SVIL: variants seen among roughly 807,000 people sequenced by gnomAD.
The protein encoded by SVIL is supervillin, also known as archvillin.
In SVIL, 101 loss-of-function variants were observed where a neutral mutation model predicts 240.4. The observed-to-expected ratio is 0.42, with a 90% CI of 0.36 to 0.50. The LOEUF (loss-of-function observed/expected upper bound fraction) is 0.50. Ranked by LOEUF, SVIL falls within the 20% of genes least tolerant of loss-of-function variation. The pLI, the probability that SVIL is intolerant of heterozygous loss-of-function variation, is 0.01. For missense variants in SVIL, 2,512 were observed against 2,818.7 expected (o/e 0.89, Z 2.46); for synonymous variants, 999 against 1,100.0 (o/e 0.91, Z 1.82).
At chr10:29,637,525 T>C (rs1411123602), upstream of SVIL, among the ~76,000 whole-genome samples, 1 of 152,006 alleles carries the variant, frequency 6.6e-6, no homozygotes, top group Non-Finnish European at 1.5e-5. Flanking sequence ...AATGAATCTA[T>C]CCCATATTAA....
chr10:29,532,023 G>A lies in SVIL; in HGVS notation c.1988C>T (p.Ala663Val), dbSNP rs778087955. 2 of 1,614,172 alleles carry A rather than the reference G, an allele frequency of 1.2e-6. No individual in the cohort carries two copies. Among genetic ancestry groups the A allele is most frequent in the African/African-American group, 1.3e-5 (1 of 75,042 alleles). The change falls in exon 9 of 38, where the codon GCA becomes GTA. Residue 663 changes from alanine to valine, a missense_variant. By Grantham distance (64) the Ala-to-Val change is moderately conservative. This residue lies in a region of SVIL where 1,443 missense variants were observed against 1,486.6 expected (regional missense o/e 0.97). Coordinates refer to ENST00000355867, the MANE Select transcript of SVIL (RefSeq NM_021738.3). The stretch of plus-strand genomic sequence containing the variant: ...CTACCTATCCGATTCCTTTCGTTCT[G>A]CTGAAGTTATAGGTTGGGTTCTAAA... ...ERFRTQPITS[A>V]ERKESDRCTS...
Position 29,605,699 on chromosome 10 carries a change from T to TA in SVIL, c.-201+28720dup, listed in dbSNP as rs1437212701. Among the ~76,000 whole-genome samples the TA allele has an allele frequency of 3.0e-5, 4 of 132,390 alleles. No homozygotes were observed. The East Asian group carries it at 6.0e-4, about 20-fold the overall frequency. 86.9% of individuals were successfully genotyped at this position (132,390 alleles called of 152,430 possible). A position where few individuals can be genotyped will look rare whatever the true frequency, so the allele number is the denominator to read the frequency against. On this transcript the variant is annotated intron_variant, in intron 1 of 37. Transcript: ENST00000355867. ...TTTCCCCTTAGTGGAAAAGTGGCTT[T>TA]AAAAAATATATATTCAAATATATAT... is the stretch of plus-strand genomic sequence containing the variant.
intron 34 of SVIL, 119 bp from the exon 35 acceptor site, chr10:29,463,754 C>A (rs571624862): frequency 2.1e-6 from 3 of 1,412,570 alleles, no homozygotes; most frequent in South Asian, 1.4e-5. Flanking sequence ...AGGGGGAAAC[C>A]CCCTTGGCCA....
intron 1 of SVIL, among the ~76,000 whole-genome samples, chr10:29,715,046 T>A (rs1391044636): frequency 6.7e-6 from 1 of 150,364 alleles, no homozygotes; most frequent in Non-Finnish European, 1.5e-5. Flanking sequence ...TAAACACCCC[T>A]AATATTTTGT....
At chr10:29,666,631 T>C (rs1057284580) in intron 2 of SVIL, among the ~76,000 whole-genome samples, 7 of 152,188 alleles carry the variant, frequency 4.6e-5, no homozygotes, top group African/African-American at 1.7e-4. Context: ...GAAACAGATG[T>C]GCACTTAGCA....
At chr10:29,563,336 GAT>G in intron 2 of SVIL, 44 bp from the exon 3 acceptor site, 1 of 900,160 alleles carries the variant, frequency 1.1e-6, no homozygotes, top group South Asian at 5.1e-5. Flanking sequence ...TTTAAATAAA[GAT>G]ATATAAGTGA....
intron 11 of SVIL, 103 bp from the exon 12 acceptor site, chr10:29,529,947 G>C (rs1951238332): frequency 4.0e-6 from 5 of 1,240,508 alleles, no homozygotes; most frequent in Non-Finnish European, 5.4e-6. Flanking sequence ...AAGGAGGGAA[G>C]ATTGCTGGAG....
At chr10:29,669,957 A>T (rs1234590107) in intron 2 of SVIL, among the ~76,000 whole-genome samples, 11 of 152,014 alleles carry the variant, frequency 7.2e-5, no homozygotes, top group Admixed American at 6.6e-4. Flanking sequence ...CTACAAAAAA[A>T]TTTAAAAATT....
chr10:29,593,782 T>A (rs1054688415), intron 1 of SVIL, among the ~76,000 whole-genome samples: 1 of 152,212 alleles, frequency 6.6e-6, no homozygotes, highest in South Asian at 2.1e-4. Context: ...AGGAAAATAA[T>A]GTCATTAAAT....
At chr10:29,526,815 G>C in intron 13 of SVIL, 146 bp downstream of exon 13, 1 of 657,860 alleles carries the variant, frequency 1.5e-6, no homozygotes, top group Admixed American at 3.6e-5. Context: ...CTTGTGCTAT[G>C]ACAAAACAAA....
Position 29,554,936 on chromosome 10 carries a change from T to C in SVIL, c.9-2A>G, listed in dbSNP as rs1953763486. 6 of 1,610,704 alleles carry C rather than the reference T, an allele frequency of 3.7e-6. No individual in the cohort carries two copies. The highest frequency in any genetic ancestry group is 5.1e-6 in the Non-Finnish European group (6 of 1,178,638). On this transcript the variant is annotated splice_acceptor_variant, in intron 4 of 37. Transcript: ENST00000355867. LOFTEE classifies it high-confidence loss of function. Reference sequence around the variant, plus strand: ...AGGCGCCTGGCAATTCTTTCTTTTCTGTGAAATACACCACAAGAGGCAGAG... The same window carrying C: ...AGGCGCCTGGCAATTCTTTCTTTTCCGTGAAATACACCACAAGAGGCAGAG...
chr10:29,601,674 C>A (rs1005060862), intron 1 of SVIL, among the ~76,000 whole-genome samples: 5 of 152,210 alleles, frequency 3.3e-5, no homozygotes, highest in Admixed American at 3.3e-4. Flanking sequence ...GACATGAGTT[C>A]AAAGCCCAGC....
chr10:29,469,170 TA>T (rs1945275161), intron 32 of SVIL: 1 of 152,226 alleles, frequency 6.6e-6, no homozygotes, highest in Non-Finnish European at 1.5e-5. Context: ...GTGGTCCAAG[TA>T]AACCCTCTGA....
chr10:29,716,694 A>G (rs1376359646), intron 1 of SVIL, among the ~76,000 whole-genome samples: 1 of 152,240 alleles, frequency 6.6e-6, no homozygotes, highest in Admixed American at 6.5e-5. Context: ...AATTGTTTTA[A>G]TGATTTTTTA....
At chr10:29,654,897 C>G (rs929724018) in intron 3 of SVIL, among the ~76,000 whole-genome samples, 2 of 152,108 alleles carry the variant, frequency 1.3e-5, no homozygotes, top group Non-Finnish European at 2.9e-5. Flanking sequence ...GTTGCAGCTC[C>G]AGCAAAGACC....
At chr10:29,731,404 C>T (rs1320159975) in intron 1 of SVIL, among the ~76,000 whole-genome samples, 2 of 152,234 alleles carry the variant, frequency 1.3e-5, no homozygotes, top group African/African-American at 2.4e-5. Flanking sequence ...TACCCTCCAG[C>T]TCCAACAAAT....
chr10:29,610,956 G>A (rs998887832), intron 1 of SVIL, among the ~76,000 whole-genome samples: 1 of 152,116 alleles, frequency 6.6e-6, no homozygotes, highest in Non-Finnish European at 1.5e-5. Flanking sequence ...CACTGGCCCC[G>A]TAACTGTGTT....
At chr10:29,548,980 C>A (rs1233460784) in intron 6 of SVIL, among the ~76,000 whole-genome samples, 1 of 151,838 alleles carries the variant, frequency 6.6e-6, no homozygotes, top group Non-Finnish European at 1.5e-5. Context: ...TCTAAAACAC[C>A]AAAAGCAATG....
At chr10:29,558,224 G>A (rs1954118307) in intron 3 of SVIL, among the ~76,000 whole-genome samples, 1 of 152,118 alleles carries the variant, frequency 6.6e-6, no homozygotes, top group African/African-American at 2.4e-5. Flanking sequence ...CAAGCCTATT[G>A]CTCCTGGAAG....
Sources: gnomAD v4.1 joint callset for allele counts (sites outside exome capture counted in the v4.1 genomes callset) on GRCh38, gnomAD v4.1.1 for gene constraint, gnomAD v4.1.1 regional missense constraint, MANE v1.5 for transcripts, NCBI Gene and HGNC (gene_info 2026-07-23, HGNC 2026-07-21) for gene names.